The following DMD variants were observed in gnomAD, a reference collection of about 807,000 sequenced individuals.
DMD encodes dystrophin, also known as mutant dystrophin.
DMD carries 63 observed loss-of-function variants against 330.1 expected under a neutral mutation model. The observed-to-expected ratio is 0.19, with a 90% CI of 0.16 to 0.24. DMD has a LOEUF of 0.24. Ranked by LOEUF, DMD falls within the 10% of genes least tolerant of loss-of-function variation. DMD has a pLI of 1.00. For missense variants in DMD, 3,344 were observed against 2,684.1 expected, an observed-to-expected ratio of 1.25 and a Z score of -5.43; for synonymous variants, 1,223 against 959.8, an observed-to-expected ratio of 1.27 and a Z score of -5.07.
intron 48 of DMD, among the ~76,000 whole-genome samples, chrX:31,844,602 T>G (rs1218698034): frequency 8.9e-6 from 1 of 111,868 alleles, no homozygotes; most frequent in East Asian, 2.8e-4. Flanking sequence ...ATTGAATCTG[T>G]AGATTGCTTT....
intron 23 of DMD, among the ~76,000 whole-genome samples, chrX:32,468,182 C>T (rs1212075808): frequency 1.8e-5 from 2 of 110,363 alleles, no homozygotes; most frequent in Non-Finnish European, 3.8e-5. Flanking sequence ...TAAATGATTA[C>T]CCGTATCTTA....
At chrX:32,593,458 T>C (rs73461749) in intron 13 of DMD, among the ~76,000 whole-genome samples, 3 of 111,752 alleles carry the variant, frequency 2.7e-5, no homozygotes, top group African/African-American at 9.8e-5. Context: ...AAGAGCGCAG[T>C]TCCCATGCCT....
At chrX:32,085,605 T>TATATATACAC (rs1184784241) in intron 44 of DMD, among the ~76,000 whole-genome samples, 1 of 96,996 alleles carries the variant, frequency 1.0e-5, no homozygotes, top group African/African-American at 4.1e-5. Flanking sequence ...TGTATATATG[T>TATATATACAC]GTATATATAT....
chrX:32,251,189 T>C (rs146643279), intron 43 of DMD, among the ~76,000 whole-genome samples: 1,749 of 110,173 alleles, frequency 0.016, 36 homozygotes, highest in African/African-American at 0.054. Context: ...TAAAGTATAA[T>C]AATAATTAAA....
At chrX:31,483,171 C>A (rs781095201) in intron 57 of DMD, among the ~76,000 whole-genome samples, 1 of 106,923 alleles carries the variant, frequency 9.4e-6, no homozygotes, top group African/African-American at 3.4e-5. Flanking sequence ...CTCAGCCTCC[C>A]GAGTAGCTGG....
chrX:33,181,377 C>T (rs963592535), intron 1 of DMD, among the ~76,000 whole-genome samples: 2 of 111,433 alleles, frequency 1.8e-5, no homozygotes, highest in Admixed American at 9.6e-5. Context: ...CTATATCAGT[C>T]GATGGGCACC....
At chrX:32,300,242 T>A (rs185644596) in intron 42 of DMD, among the ~76,000 whole-genome samples, 2 of 111,737 alleles carry the variant, frequency 1.8e-5, no homozygotes, top group African/African-American at 6.5e-5. Context: ...CCATTGTAGA[T>A]AGATATTCAG....
chrX:32,528,141 T>C (rs1222913647), intron 17 of DMD, among the ~76,000 whole-genome samples: 1 of 111,143 alleles, frequency 9.0e-6, no homozygotes, highest in Non-Finnish European at 1.9e-5. Context: ...AAACCCCGTC[T>C]CTACTAAAAA....
In DMD at chrX:31,120,452, A is replaced by C. The variant is rs774861121; in HGVS notation, c.*1467T>G. ...CTGGGTTGATACCTGTCAGTATCAC[A>C]AATGTGATGGGGCTACTGTTTTACA... is the stretch of plus-strand genomic sequence containing the variant. On this transcript the variant is annotated 3_prime_UTR_variant, in exon 79 of 79. Transcript: ENST00000357033. 4 of 112,100 alleles carry C rather than the reference A, an allele frequency of 3.6e-5. No homozygotes were observed. The highest frequency in any genetic ancestry group is 1.3e-4 in the African/African-American group (4 of 30,885). The allele number at this position is 112,100 out of a possible 1,213,427, so 9.2% of individuals were successfully genotyped here.
chrX:32,077,915 T>G (rs1433355217), intron 44 of DMD, among the ~76,000 whole-genome samples: 2 of 111,229 alleles, frequency 1.8e-5, no homozygotes, highest in Non-Finnish European at 3.8e-5. Context: ...CTCCTAATTC[T>G]TGGTATTCTA....
chrX:32,509,796 A>G lies in DMD; in HGVS notation c.2293-7954T>C, dbSNP rs752391434. Among the ~76,000 whole-genome samples the G allele has an allele frequency of 3.6e-5, 4 of 111,635 alleles. No individual in the cohort carries two copies. In the East Asian group the frequency reaches 1.1e-3, roughly 32 times the overall value. On this transcript the variant is annotated intron_variant, in intron 18 of 78. Coordinates refer to ENST00000357033, the MANE Select transcript of DMD (RefSeq NM_004006.3). ...CCATCTCCTTTGCAGGTTCCTAATC[A>G]TGTCCCTGAGCTCGCACTTTGGAGT...
chrX:32,479,853 T>C (rs1407129705), intron 21 of DMD, among the ~76,000 whole-genome samples: 3 of 109,559 alleles, frequency 2.7e-5, no homozygotes, highest in South Asian at 3.8e-4. Flanking sequence ...TCTTGGCTGT[T>C]ATGAATAATG....
chrX:32,314,162 A>G (rs987389633), intron 41 of DMD, among the ~76,000 whole-genome samples: 1 of 111,930 alleles, frequency 8.9e-6, no homozygotes, highest in Non-Finnish European at 1.9e-5. Context: ...ATAATGCTAC[A>G]GTAACCAAAA....
At chrX:32,166,312 C>T (rs2096868236) in intron 44 of DMD, among the ~76,000 whole-genome samples, 1 of 110,206 alleles carries the variant, frequency 9.1e-6, no homozygotes, top group African/African-American at 3.3e-5. Flanking sequence ...AACGTGTTAG[C>T]TGGGTATCGT....
At chrX:33,185,423 C>T (rs1281601550) in intron 1 of DMD, among the ~76,000 whole-genome samples, 1 of 110,753 alleles carries the variant, frequency 9.0e-6, no homozygotes, top group East Asian at 2.9e-4. Context: ...GTATTCTTTC[C>T]TCATGATCTG....
chrX:31,878,417 C>A (rs1419443121), intron 47 of DMD, among the ~76,000 whole-genome samples: 2 of 111,602 alleles, frequency 1.8e-5, no homozygotes, highest in Non-Finnish European at 3.8e-5. Flanking sequence ...ATTATTTTTT[C>A]AATGTAAGAA....
At chrX:31,266,543 A>T (rs1479552590) in intron 62 of DMD, among the ~76,000 whole-genome samples, 2 of 111,919 alleles carry the variant, frequency 1.8e-5, no homozygotes, top group Non-Finnish European at 3.8e-5. Context: ...GGACGGGGAG[A>T]AATCAGCTTT....
At chrX:33,050,527 T>G (rs1411222958) in intron 1 of DMD, among the ~76,000 whole-genome samples, 1 of 111,986 alleles carries the variant, frequency 8.9e-6, no homozygotes, top group African/African-American at 3.2e-5. Flanking sequence ...GGCTTCATTT[T>G]GAGACGTCCA....
intron 1 of DMD, among the ~76,000 whole-genome samples, chrX:33,106,785 A>C (rs1422113180): frequency 1.8e-5 from 2 of 111,804 alleles, no homozygotes; most frequent in Non-Finnish European, 3.8e-5. Flanking sequence ...GCTGACAGGC[A>C]TTAGAAATAG....
Sources: gnomAD v4.1 joint callset for allele counts (sites outside exome capture counted in the v4.1 genomes callset) on GRCh38, gnomAD v4.1.1 for gene constraint, MANE v1.5 for transcripts, NCBI Gene and HGNC (gene_info 2026-07-23, HGNC 2026-07-21) for gene names.